PIK3AP1: variants seen among roughly 807,000 people sequenced by gnomAD.
The protein encoded by PIK3AP1 is phosphoinositide-3-kinase adaptor protein 1.
PIK3AP1 carries 21 observed loss-of-function variants against 88.1 expected under a neutral mutation model. That is an observed-to-expected ratio of 0.24 (90% CI 0.17 to 0.34). The LOEUF (loss-of-function observed/expected upper bound fraction) is 0.34, where lower values mean the gene tolerates loss of function less well. Among genes scored for constraint, PIK3AP1 ranks in the 10% least tolerant of loss-of-function variants. The pLI, the probability that PIK3AP1 is intolerant of heterozygous loss-of-function variation, is 1.00. For synonymous variants in PIK3AP1, 398 were observed against 400.0 expected, an observed-to-expected ratio of 1.00 and a Z score of 0.06; for missense variants, 828 against 1,035.7, an observed-to-expected ratio of 0.80 and a Z score of 2.75.
chr10:96,608,785 A>C (rs1849048230), intron 14 of PIK3AP1, among the ~76,000 whole-genome samples: 1 of 152,234 alleles, frequency 6.6e-6, no homozygotes, highest in African/African-American at 2.4e-5. Context: ...CCAGAGTTAG[A>C]TAACCTTCCT....
At chr10:96,604,866 T>A (rs1392540731) in intron 14 of PIK3AP1, among the ~76,000 whole-genome samples, 4 of 152,062 alleles carry the variant, frequency 2.6e-5, no homozygotes. Context: ...AAGTATAATT[T>A]TTTTTTTCCC....
In PIK3AP1 at chr10:96,617,571, GAGGCCAGC is replaced by G. The variant is rs546329314; in HGVS notation, c.1942-868_1942-861del. 1.4e-4 allele frequency among the ~76,000 whole-genome samples: 22 copies of G among 152,334 alleles called. No individual in the cohort carries two copies. The East Asian group carries it at 4.2e-3, about 29-fold the overall frequency. On this transcript the variant is annotated intron_variant, in intron 12 of 16. Transcript: ENST00000339364. Reference sequence around the variant, plus strand: ...CTAGTGAACTAGAGAAGAAGGAACAGAGGCCAGCAGACCTTCCTGGAGACTATGGAGTA... The same window carrying G: ...CTAGTGAACTAGAGAAGAAGGAACAGAGACCTTCCTGGAGACTATGGAGTA...
chr10:96,662,323 G>C (rs570590935), intron 2 of PIK3AP1, among the ~76,000 whole-genome samples: 2 of 152,110 alleles, frequency 1.3e-5, no homozygotes, highest in East Asian at 3.8e-4. Context: ...AAATAAGGCC[G>C]GGCGCAGTGG....
rs1843932686 is a variant in PIK3AP1, at chr10:96,677,052, C to T, written c.431-20118G>A. 2.0e-5 allele frequency among the ~76,000 whole-genome samples: 3 copies of T among 152,098 alleles called. No individual in the cohort carries two copies. In the South Asian group the frequency reaches 6.2e-4, roughly 32 times the overall value. ...CACAGCCTCCAGCAGGAGCACCGAG[C>T]CCATCTCTGAACACGGTTTGTTTTT... On this transcript the variant is annotated intron_variant, in intron 2 of 16. Coordinates refer to ENST00000339364, the MANE Select transcript of PIK3AP1 (RefSeq NM_152309.3).
intron 8 of PIK3AP1, among the ~76,000 whole-genome samples, chr10:96,642,310 C>T (rs1843399694): frequency 6.6e-6 from 1 of 151,400 alleles, no homozygotes; most frequent in African/African-American, 2.4e-5. Flanking sequence ...CCTGTAGTCC[C>T]AGTAACTCGG....
At chr10:96,629,927 A>AAAAAAAAAAAAAAAAG (rs1564961851) in intron 8 of PIK3AP1, among the ~76,000 whole-genome samples, 1 of 14,644 alleles carries the variant, frequency 6.8e-5, no homozygotes, top group African/African-American at 1.7e-4. Flanking sequence ...AAAAAAAAAA[A>AAAAAAAAAAAAAAAAG]AAAAAGAAGA....
intron 13 of PIK3AP1, 50 bp from the exon 14 acceptor site, chr10:96,609,917 C>G (rs1849079153): frequency 6.3e-7 from 1 of 1,587,870 alleles, no homozygotes; most frequent in African/African-American, 1.3e-5. Context: ...AGACTGTCAC[C>G]TGCCAAGCTG....
At chr10:96,647,321 C>T (rs1004943960) in intron 7 of PIK3AP1, among the ~76,000 whole-genome samples, 1 of 152,192 alleles carries the variant, frequency 6.6e-6, no homozygotes, top group African/African-American at 2.4e-5. Flanking sequence ...CCTTTCTAAG[C>T]CGTTTTCCTC....
intron 2 of PIK3AP1, among the ~76,000 whole-genome samples, chr10:96,690,414 C>A (rs1245969872): frequency 3.4e-5 from 5 of 147,764 alleles, no homozygotes; most frequent in African/African-American, 7.5e-5. Context: ...AGGTGTGCAC[C>A]ACCATGCCCA....
chr10:96,641,554 A>G (rs1374357299), intron 8 of PIK3AP1, among the ~76,000 whole-genome samples: 1 of 152,204 alleles, frequency 6.6e-6, no homozygotes, highest in African/African-American at 2.4e-5. Context: ...CAATCTAGAC[A>G]TTTAGAAATA....
chr10:96,661,863 GGGAAA>G (rs1843693726), intron 2 of PIK3AP1, among the ~76,000 whole-genome samples: 1 of 151,888 alleles, frequency 6.6e-6, no homozygotes, highest in Non-Finnish European at 1.5e-5. Context: ...GGAAAGGAAA[GGGAAA>G]GGAGAGGGGA....
chr10:96,617,077 G>C (rs1202947255), intron 12 of PIK3AP1, among the ~76,000 whole-genome samples: 2 of 152,110 alleles, frequency 1.3e-5, no homozygotes, highest in African/African-American at 4.8e-5. Flanking sequence ...ATGGATGTTG[G>C]TTCTTCTCCA....
rs1471922195 is a variant in PIK3AP1 at position 96,612,944 on chromosome 10, GTGTGTGTATATATATATATA to G, written c.2015-3097_2015-3078del. The stretch of plus-strand genomic sequence containing the variant: ...TGTACTTTATGCCACTGAATTGTGT[GTGTGTGTATATATATATATA>G]TATATATATATATATATATTTTTTT... On this transcript the variant is annotated intron_variant, in intron 13 of 16. Transcript: ENST00000339364. Among the ~76,000 whole-genome samples, 6 of 57,140 alleles carry G rather than the reference GTGTGTGTATATATATATATA, an allele frequency of 1.1e-4. 1 individual carries two copies. The highest frequency in any genetic ancestry group is 5.9e-4 in the Admixed American group (2 of 3,362). The allele number at this position is 57,140 out of a possible 152,430, so 37.5% of individuals were successfully genotyped here. A position where few individuals can be genotyped will look rare whatever the true frequency, so the allele number is the denominator to read the frequency against.
intron 12 of PIK3AP1, among the ~76,000 whole-genome samples, chr10:96,619,200 C>A (rs1384430690): frequency 1.3e-5 from 2 of 152,190 alleles, no homozygotes; most frequent in Non-Finnish European, 2.9e-5. Context: ...CCTAACATAG[C>A]ACTGTCGGAG....
intron 2 of PIK3AP1, among the ~76,000 whole-genome samples, chr10:96,694,788 C>T (rs561792683): frequency 3.9e-4 from 60 of 152,250 alleles, no homozygotes; most frequent in African/African-American, 1.3e-3. Flanking sequence ...ATCCTCCCGC[C>T]TCAGCCTCCC....
At chr10:96,642,566 T>C (rs1394549790) in intron 8 of PIK3AP1, among the ~76,000 whole-genome samples, 1 of 152,044 alleles carries the variant, frequency 6.6e-6, no homozygotes, top group African/African-American at 2.4e-5. Flanking sequence ...CCTTTTCCCA[T>C]GCAAAAAGTA....
chr10:96,599,198 A>G (rs1031652717), intron 16 of PIK3AP1, among the ~76,000 whole-genome samples: 4 of 152,148 alleles, frequency 2.6e-5, no homozygotes, highest in African/African-American at 9.7e-5. Context: ...GGGGGCAGGG[A>G]TCAAGGATGA....
chr10:96,677,884 C>T (rs1270006389), intron 2 of PIK3AP1, among the ~76,000 whole-genome samples: 1 of 152,124 alleles, frequency 6.6e-6, no homozygotes, highest in African/African-American at 2.4e-5. Flanking sequence ...TTGCAAAGGT[C>T]TTGCCAGAAT....
At chr10:96,670,220 G>A (rs1290251647) in intron 2 of PIK3AP1, among the ~76,000 whole-genome samples, 1 of 149,510 alleles carries the variant, frequency 6.7e-6, no homozygotes, top group Non-Finnish European at 1.5e-5. Context: ...GAAAAATTCA[G>A]AAGTTGAGAA....
Sources: gnomAD v4.1 joint callset for allele counts (sites outside exome capture counted in the v4.1 genomes callset) on GRCh38, gnomAD v4.1.1 for gene constraint, MANE v1.5 for transcripts, NCBI Gene and HGNC (gene_info 2026-07-23, HGNC 2026-07-21) for gene names.